The following MACROD2 variants were observed in gnomAD, a reference collection of about 807,000 sequenced individuals.
The protein encoded by MACROD2 is ADP-ribose glycohydrolase MACROD2.
Under a neutral mutation model 70.4 loss-of-function variants are expected in MACROD2, and 36 were observed. That is an observed-to-expected ratio of 0.51 (90% CI 0.39 to 0.68). MACROD2 has a LOEUF of 0.68. Among genes scored for constraint, MACROD2 ranks in the 30% least tolerant of loss-of-function variants. The pLI, the probability that MACROD2 is intolerant of heterozygous loss-of-function variation, is 0.00. For synonymous variants in MACROD2, 172 were observed against 178.8 expected (o/e 0.96, Z 0.30); for missense variants, 496 against 538.4 (o/e 0.92, Z 0.78).
chr20:15,932,350 A>G (rs1407319348), intron 10 of MACROD2, among the ~76,000 whole-genome samples: 4 of 152,078 alleles, frequency 2.6e-5, no homozygotes, highest in Admixed American at 6.6e-5. Flanking sequence ...CACTTCCACC[A>G]TATTTCATTG....
chr20:14,704,856 T>C (rs935791690), intron 5 of MACROD2, among the ~76,000 whole-genome samples: 2 of 152,140 alleles, frequency 1.3e-5, no homozygotes, highest in Admixed American at 1.3e-4. Flanking sequence ...AGCTGGGAAA[T>C]GCAAAATCAA....
intron 3 of MACROD2, among the ~76,000 whole-genome samples, chr20:14,107,270 G>A (rs1370405077): frequency 2.0e-5 from 3 of 152,076 alleles, no homozygotes; most frequent in South Asian, 2.1e-4. Context: ...ATTCATCAGA[G>A]TCTCTTCTTA....
At chr20:15,664,726 A>G (rs2049873702) in intron 8 of MACROD2, among the ~76,000 whole-genome samples, 1 of 152,156 alleles carries the variant, frequency 6.6e-6, no homozygotes, top group Non-Finnish European at 1.5e-5. Flanking sequence ...TGGTGTTGAC[A>G]GAAGTACAAG....
intron 4 of MACROD2, among the ~76,000 whole-genome samples, chr20:14,558,831 T>G: frequency 6.6e-6 from 1 of 151,876 alleles, no homozygotes; most frequent in East Asian, 1.9e-4. Context: ...CTTTTTATCC[T>G]CAAAATACAA....
intron 5 of MACROD2, among the ~76,000 whole-genome samples, chr20:14,758,274 C>T (rs1305177997): frequency 6.6e-6 from 1 of 152,036 alleles, no homozygotes; most frequent in Admixed American, 6.6e-5. Context: ...TTACTCACTT[C>T]AGTATTTGTA....
intron 5 of MACROD2, chr20:14,758,138 C>T: frequency 3.1e-6 from 1 of 325,256 alleles, no homozygotes; most frequent in Non-Finnish European, 5.8e-6. Context: ...TAAACCCTCA[C>T]TGATTTCAGA....
intron 8 of MACROD2, among the ~76,000 whole-genome samples, chr20:15,617,647 A>C (rs2049057670): frequency 6.6e-6 from 1 of 152,236 alleles, no homozygotes; most frequent in East Asian, 1.9e-4. Context: ...TTCATCATTC[A>C]TTCATTTCAT....
intron 6 of MACROD2, among the ~76,000 whole-genome samples, chr20:15,246,021 A>G (rs750428181): frequency 6.6e-6 from 1 of 152,226 alleles, no homozygotes; most frequent in Non-Finnish European, 1.5e-5. Context: ...ATGCAATGGC[A>G]TGAGTAGACA....
At chr20:15,405,546 C>T (rs1368111218) in intron 6 of MACROD2, among the ~76,000 whole-genome samples, 1 of 152,184 alleles carries the variant, frequency 6.6e-6, no homozygotes. Context: ...CACACTTGTG[C>T]ATGCCTGCCT....
At position 14,757,517 on chromosome 20, in the gene MACROD2, A is replaced by G. The variant is rs544761699; in HGVS notation, c.418+72558A>G. The G allele has an allele frequency of 1.7e-5, 11 of 630,414 alleles. No homozygotes were observed. In the East Asian group the frequency reaches 3.1e-4, roughly 18 times the overall value. 39.1% of individuals were successfully genotyped at this position (630,414 alleles called of 1,614,324 possible). A position where few individuals can be genotyped will look rare whatever the true frequency, so the allele number is the denominator to read the frequency against. On this transcript the variant is annotated intron_variant, in intron 5 of 17. Transcript: ENST00000684519. ...AAATAGATCCCATATGTCTCTTTTTAAAAGACTGTATCTAGGCCCTGGCCC... is the reference window on the plus strand; with the variant it reads ...AAATAGATCCCATATGTCTCTTTTTGAAAGACTGTATCTAGGCCCTGGCCC...
intron 8 of MACROD2, among the ~76,000 whole-genome samples, chr20:15,796,195 C>G (rs1449448567): frequency 1.3e-5 from 2 of 152,202 alleles, no homozygotes; most frequent in African/African-American, 4.8e-5. Context: ...ACTGCCTTAT[C>G]TGAGCCATTT....
At chr20:14,183,060 C>A (rs115076158) in intron 3 of MACROD2, among the ~76,000 whole-genome samples, 144,789 of 145,938 alleles carry the variant, frequency 0.99, 71,831 homozygotes, top group Non-Finnish European at 1. Flanking sequence ...CCTATGTAAC[C>A]TATTTGTTAC....
At chr20:14,737,143 C>T (rs961530055) in intron 5 of MACROD2, among the ~76,000 whole-genome samples, 1 of 152,048 alleles carries the variant, frequency 6.6e-6, no homozygotes, top group Admixed American at 6.6e-5. Flanking sequence ...GTGTTGTTCC[C>T]CTCCCTGTGT....
chr20:14,414,945 C>G (rs62204372), intron 3 of MACROD2, among the ~76,000 whole-genome samples: 2 of 147,076 alleles, frequency 1.4e-5, no homozygotes, highest in African/African-American at 5.0e-5. Context: ...TTTTTTTTCC[C>G]ATGGTGTGCC....
At position 14,095,193 on chromosome 20, in the gene MACROD2, G is replaced by A. The variant is rs986520421; in HGVS notation, c.271+9465G>A. Among the ~76,000 whole-genome samples, 5 of 151,928 alleles carry A rather than the reference G, an allele frequency of 3.3e-5. No individual in the cohort carries two copies. The East Asian group carries it at 7.7e-4, about 23-fold the overall frequency. On this transcript the variant is annotated intron_variant, in intron 3 of 17. Transcript: ENST00000684519. ...TATCAGTTCACTTATGAAGGCCACC[G>A]AAATGATTTGGATACATTTGCTTAT... is the stretch of plus-strand genomic sequence containing the variant.
intron 4 of MACROD2, among the ~76,000 whole-genome samples, chr20:14,520,689 A>C (rs1390917896): frequency 3.3e-5 from 5 of 152,102 alleles, no homozygotes; most frequent in Non-Finnish European, 7.4e-5. Context: ...ACTTTGTGTA[A>C]ACTTTCCTGA....
intron 7 of MACROD2, among the ~76,000 whole-genome samples, chr20:15,443,734 A>G (rs763137353): frequency 3.3e-5 from 5 of 152,122 alleles, no homozygotes; most frequent in Admixed American, 6.6e-5. Context: ...GTAAATCTTA[A>G]TAAATATCTG....
intron 5 of MACROD2, among the ~76,000 whole-genome samples, chr20:14,910,942 C>T (rs1536899): frequency 0.89 from 134,726 of 152,210 alleles, 59,681 homozygotes; most frequent in East Asian, 1. Flanking sequence ...TACACACATA[C>T]GTATGTTATT....
chr20:15,392,905 T>C (rs1249007794), intron 6 of MACROD2, among the ~76,000 whole-genome samples: 1 of 152,022 alleles, frequency 6.6e-6, no homozygotes, highest in Admixed American at 6.6e-5. Flanking sequence ...ATCATTTATA[T>C]TCAAGGAAAA....
Sources: allele counts gnomAD v4.1 joint callset (sites outside exome capture counted in the v4.1 genomes callset), GRCh38; gene constraint gnomAD v4.1.1; transcripts MANE v1.5; gene names NCBI Gene and HGNC (gene_info 2026-07-23, HGNC 2026-07-21).